The following KIF3A variants were observed in gnomAD, a reference collection of about 807,000 sequenced individuals.
The protein encoded by KIF3A is kinesin-like protein KIF3A.
KIF3A carries 27 observed loss-of-function variants against 92.6 expected under a neutral mutation model. That is an observed-to-expected ratio of 0.29 (90% CI 0.21 to 0.40). The LOEUF (loss-of-function observed/expected upper bound fraction) is 0.40. Ranked by LOEUF, KIF3A falls within the 10% of genes least tolerant of loss-of-function variation. The probability of loss-of-function intolerance (pLI) is 1.00; values close to 1 mark genes in which losing one functional copy is unlikely to be tolerated. For missense variants in KIF3A, 581 were observed against 872.6 expected (o/e 0.67, Z 4.21); for synonymous variants, 250 against 275.4 (o/e 0.91, Z 0.92).
At position 132,714,161 on chromosome 5, in the gene KIF3A, T is replaced by G. The variant is rs571688303; in HGVS notation, c.1129+1596A>C. Among the ~76,000 whole-genome samples the G allele has an allele frequency of 2.6e-4, 40 of 152,230 alleles. 1 individual carries two copies. Among genetic ancestry groups the G allele is most frequent in the Middle Eastern group, 3.4e-3 (1 of 294 alleles). On this transcript the variant is annotated intron_variant, in intron 8 of 18. Transcript: ENST00000403231. ...ATCCACCCGCCTCGGCCTCACAAAG[T>G]GCTGGGATTACAAGCGTGAGCCACT...
intron 9 of KIF3A, 69 bp downstream of exon 9, chr5:132,710,890 A>T: frequency 6.3e-7 from 1 of 1,595,918 alleles, no homozygotes; most frequent in Non-Finnish European, 8.5e-7. Flanking sequence ...GGCAAAATAA[A>T]AGTCATGCAC....
At chr5:132,689,205 T>C (rs1752607935), downstream of KIF3A, among the ~76,000 whole-genome samples, 2 of 152,100 alleles carry the variant, frequency 1.3e-5, no homozygotes, top group Non-Finnish European at 2.9e-5. Context: ...ACAGAGAAAT[T>C]GAGATAATAA....
In KIF3A at chr5:132,718,695, T is replaced by G. The variant is rs375186354; in HGVS notation, c.617-1711A>C. Among the ~76,000 whole-genome samples, 70 of 152,140 alleles carry G rather than the reference T, an allele frequency of 4.6e-4. No homozygotes were observed. In the East Asian group the frequency reaches 8.5e-3, roughly 19 times the overall value. ...AGGCTGGAGTTCAGTGGTGCTATCT[T>G]GGCTCACTGCAACCTCTGCCTCCCA... On this transcript the variant is annotated intron_variant, in intron 5 of 18. Coordinates refer to ENST00000403231, the MANE Select transcript of KIF3A (RefSeq NM_001300791.2).
chr5:132,721,041 T>C (rs1005760471), intron 4 of KIF3A, among the ~76,000 whole-genome samples: 1 of 152,048 alleles, frequency 6.6e-6, no homozygotes, highest in East Asian at 1.9e-4. Context: ...AGTTAGTCAG[T>C]TGAGGTAGGA....
At chr5:132,732,091 C>T (rs560453498) in intron 2 of KIF3A, among the ~76,000 whole-genome samples, 1 of 152,230 alleles carries the variant, frequency 6.6e-6, no homozygotes, top group South Asian at 2.1e-4. Context: ...ATAAGTTTAG[C>T]AAAGTTTCAG....
chr5:132,737,049 C>T (rs1290271513), intron 1 of KIF3A: 1 of 403,396 alleles, frequency 2.5e-6, no homozygotes, highest in Non-Finnish European at 4.5e-6. Context: ...AAAGGCCTCA[C>T]CAGGTGTGCA....
intron 2 of KIF3A, among the ~76,000 whole-genome samples, chr5:132,727,795 T>C (rs1754084168): frequency 6.6e-6 from 1 of 152,180 alleles, no homozygotes; most frequent in South Asian, 2.1e-4. Context: ...CTGGAGTAGT[T>C]GGTCAGGACA....
Position 132,726,142 on chromosome 5 carries a change from T to C in KIF3A, c.496A>G (p.Thr166Ala), listed in dbSNP as rs143232016. 8.7e-5 allele frequency: 140 copies of C among 1,610,396 alleles called. No homozygotes were observed. The highest frequency in any genetic ancestry group is 1.0e-4 in the Non-Finnish European group (122 of 1,178,104). Residue 166 changes from threonine (T) to alanine (A), a missense_variant, in exon 4 of 19, where the codon ACA becomes GCA. Around this residue, in one of 5 missense-constraint regions of KIF3A, gnomAD observed 217 missense variants for 299.7 expected, o/e 0.72. Transcript: ENST00000403231. ...ATTATCCTTACCTCTAACCTTTGTGTCTGATCCTTGCCCAAAAGGTCACGA... is the reference window on the plus strand; with the variant it reads ...ATTATCCTTACCTCTAACCTTTGTGCCTGATCCTTGCCCAAAAGGTCACGA... ...EVRDLLGKDQ[T>A]QRLEVKERPD...
chr5:132,720,292 C>T (rs1753782703), intron 5 of KIF3A, among the ~76,000 whole-genome samples: 1 of 152,176 alleles, frequency 6.6e-6, no homozygotes, highest in Non-Finnish European at 1.5e-5. Flanking sequence ...CTTTATGAAG[C>T]ACTTAGCACA....
intron 16 of KIF3A, 140 bp downstream of exon 16, chr5:132,700,507 A>G: frequency 1.5e-6 from 1 of 672,150 alleles, no homozygotes; most frequent in Non-Finnish European, 2.6e-6. Flanking sequence ...ATGGAATTAG[A>G]AAAATATTTT....
At chr5:132,727,386 T>C (rs1754068840) in intron 2 of KIF3A, among the ~76,000 whole-genome samples, 1 of 152,064 alleles carries the variant, frequency 6.6e-6, no homozygotes, top group Non-Finnish European at 1.5e-5. Flanking sequence ...GGACATCAAC[T>C]AGGCACAGGA....
At chr5:132,718,853 T>A (rs116516980) in intron 5 of KIF3A, among the ~76,000 whole-genome samples, 11,237 of 152,156 alleles carry the variant, frequency 0.074, 541 homozygotes, top group Non-Finnish European at 0.11. Context: ...GGTCTCTAAC[T>A]CCTGAGTTCA....
intron 1 of KIF3A, among the ~76,000 whole-genome samples, chr5:132,735,660 GCCT>G (rs2149925727): frequency 6.6e-6 from 1 of 152,170 alleles, no homozygotes; most frequent in South Asian, 2.1e-4. Context: ...CTGGATTACT[GCCT>G]CCTAACTATA....
chr5:132,709,911 C>T (rs938594358), intron 9 of KIF3A, among the ~76,000 whole-genome samples: 1 of 152,104 alleles, frequency 6.6e-6, no homozygotes, highest in Non-Finnish European at 1.5e-5. Context: ...GTTACAAAAT[C>T]TTTATAGTTT....
At chr5:132,715,473 GACA>G (rs1464307606) in intron 8 of KIF3A, among the ~76,000 whole-genome samples, 1 of 152,008 alleles carries the variant, frequency 6.6e-6, no homozygotes, top group Non-Finnish European at 1.5e-5. Context: ...CTTATACAGA[GACA>G]AATAAACATT....
chr5:132,702,830 G>A, intron 13 of KIF3A, 55 bp downstream of exon 13: 1 of 1,548,434 alleles, frequency 6.5e-7, no homozygotes, highest in Non-Finnish European at 8.8e-7. Flanking sequence ...CTTTCCACTA[G>A]AAAAGTTAAA....
chr5:132,731,830 C>T (rs1754241994), intron 2 of KIF3A, among the ~76,000 whole-genome samples: 1 of 152,058 alleles, frequency 6.6e-6, no homozygotes, highest in African/African-American at 2.4e-5. Flanking sequence ...CCTGCCCCAG[C>T]CTCCCGAGTA....
chr5:132,703,131 C>T, intron 12 of KIF3A, 66 bp from the exon 13 acceptor site: 1 of 1,388,362 alleles, frequency 7.2e-7, no homozygotes, highest in Non-Finnish European at 9.8e-7. Flanking sequence ...TATCATTTCC[C>T]AAAATTTAAA....
intron 2 of KIF3A, among the ~76,000 whole-genome samples, chr5:132,732,288 T>C (rs1272281978): frequency 6.6e-6 from 1 of 152,188 alleles, no homozygotes; most frequent in Non-Finnish European, 1.5e-5. Context: ...AAAGTTACCA[T>C]GTGACCTAGT....
Sources: allele counts gnomAD v4.1 joint callset (sites outside exome capture counted in the v4.1 genomes callset), GRCh38; gene constraint gnomAD v4.1.1; regional missense constraint gnomAD v4.1.1; transcripts MANE v1.5; gene names NCBI Gene and HGNC (gene_info 2026-07-23, HGNC 2026-07-21).